Variants in KCNAB1 observed in about 807,000 individuals in gnomAD.
The protein encoded by KCNAB1 is voltage-gated potassium channel subunit beta-1.
A neutral mutation model predicts 64.6 loss-of-function variants in KCNAB1; 35 were observed. The observed-to-expected ratio is 0.54, with a 90% CI of 0.41 to 0.72. The LOEUF is 0.72. Ranked by LOEUF, KCNAB1 falls within the 30% of genes least tolerant of loss-of-function variation. KCNAB1 has a pLI of 0.00. For missense variants in KCNAB1, 401 were observed against 512.9 expected (o/e 0.78, Z 2.11); for synonymous variants, 177 against 183.8 (o/e 0.96, Z 0.30).
intron 1 of KCNAB1, among the ~76,000 whole-genome samples, chr3:156,155,673 A>G (rs1715671600): frequency 6.6e-6 from 1 of 152,216 alleles, no homozygotes. Context: ...TCAAGGGCAG[A>G]GTGAATGAAT....
intron 7 of KCNAB1, among the ~76,000 whole-genome samples, chr3:156,466,861 A>G (rs1005905549): frequency 5.3e-5 from 8 of 152,122 alleles, no homozygotes; most frequent in Admixed American, 1.3e-4. Context: ...TTGCTTGTCT[A>G]TATATTATCA....
intron 8 of KCNAB1, among the ~76,000 whole-genome samples, chr3:156,484,307 C>T (rs1399718182): frequency 6.6e-6 from 1 of 152,106 alleles, no homozygotes; most frequent in Admixed American, 6.6e-5. Context: ...CTTCACCAAG[C>T]TCCAAAAGGA....
intron 13 of KCNAB1, 76 bp from the exon 14 acceptor site, chr3:156,536,582 G>A (rs1449284077): frequency 2.0e-6 from 2 of 981,234 alleles, no homozygotes; most frequent in Non-Finnish European, 3.3e-6. Context: ...AGATTACTTT[G>A]CTAAATATAG....
At position 156,126,775 on chromosome 3, in the gene KCNAB1, A is replaced by G. The variant is rs115611655; in HGVS notation, c.275+5889A>G. ...GCTATGTGATTTAGTCTTCTCAGCTATAAAAAGTGGGTAATGATGGCAGTA... is the reference window on the plus strand; with the variant it reads ...GCTATGTGATTTAGTCTTCTCAGCTGTAAAAAGTGGGTAATGATGGCAGTA... On this transcript the variant is annotated intron_variant, in intron 1 of 13. Transcript: ENST00000490337. Among the ~76,000 whole-genome samples, 1,375 of 152,134 alleles carry G rather than the reference A, an allele frequency of 9.0e-3. 29 individuals are homozygous for G. Among genetic ancestry groups the G allele is most frequent in the African/African-American group, 0.032 (1,324 of 41,406 alleles).
At chr3:156,481,278 G>A (rs745365073) in intron 8 of KCNAB1, among the ~76,000 whole-genome samples, 11 of 152,104 alleles carry the variant, frequency 7.2e-5, no homozygotes, top group Non-Finnish European at 1.2e-4. Context: ...TGGCCAGGAC[G>A]TTCCCAAGGC....
intron 1 of KCNAB1, among the ~76,000 whole-genome samples, chr3:156,240,791 AG>A (rs1308262772): frequency 6.6e-6 from 1 of 152,228 alleles, no homozygotes; most frequent in Non-Finnish European, 1.5e-5. Context: ...TCAGGCCCTG[AG>A]ACAAGGATTC....
intron 1 of KCNAB1, among the ~76,000 whole-genome samples, chr3:156,187,768 T>C (rs1713296163): frequency 6.6e-6 from 1 of 152,238 alleles, no homozygotes; most frequent in Admixed American, 6.5e-5. Flanking sequence ...GTGAAGCCAG[T>C]GATTTCAAAT....
At chr3:156,201,581 G>C (rs1714332412) in intron 1 of KCNAB1, among the ~76,000 whole-genome samples, 2 of 152,252 alleles carry the variant, frequency 1.3e-5, no homozygotes, top group Admixed American at 1.3e-4. Context: ...CAGCGCAGGG[G>C]CGGGGGACTA....
At chr3:156,399,247 G>A (rs1344944306) in intron 1 of KCNAB1, among the ~76,000 whole-genome samples, 2 of 152,168 alleles carry the variant, frequency 1.3e-5, no homozygotes, top group Non-Finnish European at 2.9e-5. Context: ...CGTGTTAGGT[G>A]TGCTGTATGG....
chr3:156,324,467 T>C (rs1363651167), intron 1 of KCNAB1, among the ~76,000 whole-genome samples: 1 of 152,204 alleles, frequency 6.6e-6, no homozygotes. Context: ...TTAGTGATTA[T>C]GTTGAACAGG....
intron 1 of KCNAB1, among the ~76,000 whole-genome samples, chr3:156,421,361 A>T (rs1715453699): frequency 6.6e-6 from 1 of 152,216 alleles, no homozygotes; most frequent in Non-Finnish European, 1.5e-5. Flanking sequence ...GTTAATAAAG[A>T]AGACAATATG....
chr3:156,216,169 T>TA (rs1715307646), intron 1 of KCNAB1, among the ~76,000 whole-genome samples: 2 of 152,212 alleles, frequency 1.3e-5, no homozygotes, highest in South Asian at 4.1e-4. Flanking sequence ...AATAGAATCT[T>TA]ACTTATTTCA....
chr3:156,391,765 AAGT>A (rs1713060386), intron 1 of KCNAB1, among the ~76,000 whole-genome samples: 1 of 152,152 alleles, frequency 6.6e-6, no homozygotes, highest in African/African-American at 2.4e-5. Context: ...ATCTCCCTGA[AAGT>A]AGAGCAATCC....
chr3:156,203,985 C>T (rs942059578), intron 1 of KCNAB1, among the ~76,000 whole-genome samples: 3 of 152,120 alleles, frequency 2.0e-5, no homozygotes, highest in African/African-American at 7.2e-5. Context: ...TTGCTCATTG[C>T]TGGGACTGCA....
rs549504811 is a variant in KCNAB1, at chr3:156,376,043, C to T, written c.276-45573C>T. On this transcript the variant is annotated intron_variant, in intron 1 of 13. Transcript: ENST00000490337. ...CCATGTTGGCCAGGCTGGTCTTGAACTCCTGACCTCAAGCGATCCACCCGC... is the reference window on the plus strand; with the variant it reads ...CCATGTTGGCCAGGCTGGTCTTGAATTCCTGACCTCAAGCGATCCACCCGC... Among the ~76,000 whole-genome samples the T allele has an allele frequency of 1.6e-4, 25 of 152,346 alleles. No individual in the cohort carries two copies. The East Asian group carries it at 4.8e-3, about 29-fold the overall frequency.
At chr3:156,290,088 A>G (rs1326290185) in intron 1 of KCNAB1, among the ~76,000 whole-genome samples, 1 of 152,212 alleles carries the variant, frequency 6.6e-6, no homozygotes, top group Non-Finnish European at 1.5e-5. Context: ...GACTTGGTAG[A>G]AGTGTGGGGA....
At chr3:156,135,575 A>G (rs1223665803) in intron 1 of KCNAB1, among the ~76,000 whole-genome samples, 1 of 152,208 alleles carries the variant, frequency 6.6e-6, no homozygotes, top group Non-Finnish European at 1.5e-5. Context: ...ACTCCTAGAT[A>G]TTTTAGATTA....
chr3:156,239,342 A>T lies in KCNAB1; in HGVS notation c.275+118456A>T, dbSNP rs115607673. The stretch of plus-strand genomic sequence containing the variant: ...AAGATAGAAAAATGAACTCAAAGGT[A>T]GTAGTTTGTATTTCTCTATGCTTGT... On this transcript the variant is annotated intron_variant, in intron 1 of 13. Transcript: ENST00000490337. 1.4e-3 allele frequency among the ~76,000 whole-genome samples: 214 copies of T among 152,322 alleles called. 1 individual carries two copies. Among genetic ancestry groups the T allele is most frequent in the African/African-American group, 4.6e-3 (191 of 41,578 alleles).
intron 13 of KCNAB1, among the ~76,000 whole-genome samples, chr3:156,533,494 G>A (rs1559934903): frequency 6.6e-6 from 1 of 152,188 alleles, no homozygotes; most frequent in Admixed American, 6.5e-5. Flanking sequence ...GACGTGGAGA[G>A]ACAGGCAGGG....
Sources: gnomAD v4.1 joint callset for allele counts (sites outside exome capture counted in the v4.1 genomes callset) on GRCh38, gnomAD v4.1.1 for gene constraint, MANE v1.5 for transcripts, NCBI Gene and HGNC (gene_info 2026-07-23, HGNC 2026-07-21) for gene names.